The following ANO10 variants were observed in gnomAD, a reference collection of about 807,000 sequenced individuals.
The protein encoded by ANO10 is anoctamin-10.
Under a neutral mutation model 74.7 loss-of-function variants are expected in ANO10, and 77 were observed. The observed-to-expected ratio is 1.03, with a 90% CI of 0.86 to 1.25. The LOEUF is 1.25. ANO10 is among the 50% of genes most tolerant of loss of function. ANO10 has a pLI of 0.00. For missense variants in ANO10, 721 were observed against 778.1 expected (o/e 0.93, Z 0.87); for synonymous variants, 279 against 284.9 (o/e 0.98, Z 0.21).
chr3:43,690,860 G>A (rs1332364922), intron 1 of ANO10: 3 of 972,440 alleles, frequency 3.1e-6, no homozygotes, highest in South Asian at 2.6e-5. Flanking sequence ...GCGCGCCGCC[G>A]GGCCGTGCTA....
Position 43,568,687 on chromosome 3 carries a change from T to C in ANO10, c.1219-2960A>G, listed in dbSNP as rs1257909137. Among the ~76,000 whole-genome samples the C allele has an allele frequency of 4.8e-5, 7 of 145,674 alleles. No individual in the cohort carries two copies. In the East Asian group the frequency reaches 1.2e-3, roughly 25 times the overall value. On this transcript the variant is annotated intron_variant, in intron 7 of 12. Transcript: ENST00000292246. ...AATCTCTGGGGCGCATTCAAAGCAG[T>C]GTGTAGAGGGAAATTTATAGCACTA...
At position 43,580,285 on chromosome 3, in the gene ANO10, C is replaced by A. The variant is rs192787846; in HGVS notation, c.592+68G>T. On this transcript the variant is annotated intron_variant, in intron 5 of 12. Transcript: ENST00000292246. Reference sequence around the variant, plus strand: ...AATATCTGCCCAAGGGAGCTGACTCCACTGCTAGATCGTAACTTTTCATCA... The same window carrying A: ...AATATCTGCCCAAGGGAGCTGACTCAACTGCTAGATCGTAACTTTTCATCA... The A allele has an allele frequency of 1.9e-4, 308 of 1,604,164 alleles. 1 individual carries two copies. The African/African-American group carries it at 3.0e-3, about 16-fold the overall frequency.
At chr3:43,371,197 G>C (rs1232139679) in intron 12 of ANO10, among the ~76,000 whole-genome samples, 3 of 152,076 alleles carry the variant, frequency 2.0e-5, no homozygotes, top group African/African-American at 4.8e-5. Context: ...CCTACAGAAG[G>C]AATCTGTCTG....
chr3:43,658,529 G>A (rs553304027), intron 1 of ANO10, among the ~76,000 whole-genome samples: 2 of 151,018 alleles, frequency 1.3e-5, no homozygotes, highest in South Asian at 4.2e-4. Context: ...GAGTGCAGTG[G>A]TGCGATCTCA....
intron 4 of ANO10, among the ~76,000 whole-genome samples, chr3:43,585,667 T>C (rs1049398836): frequency 6.6e-6 from 1 of 152,148 alleles, no homozygotes; most frequent in Non-Finnish European, 1.5e-5. Flanking sequence ...ACATTATCAA[T>C]GTGGATGAAA....
chr3:43,428,241 G>C (rs146900008), intron 12 of ANO10, among the ~76,000 whole-genome samples: 2,217 of 152,046 alleles, frequency 0.015, 61 homozygotes, highest in African/African-American at 0.051. Flanking sequence ...GTAGAGACAG[G>C]GTTTCACCAT....
chr3:43,649,668 C>T (rs1050306683), intron 1 of ANO10, among the ~76,000 whole-genome samples: 1 of 152,200 alleles, frequency 6.6e-6, no homozygotes, highest in South Asian at 2.1e-4. Context: ...GAAAAAGTAA[C>T]TAATGCCCTC....
At chr3:43,596,592 C>T (rs1259101469) in intron 4 of ANO10, among the ~76,000 whole-genome samples, 1 of 152,172 alleles carries the variant, frequency 6.6e-6, no homozygotes, top group Non-Finnish European at 1.5e-5. Context: ...CCCTTCCTTA[C>T]ACCTTATACA....
At chr3:43,579,038 A>C (rs986177956) in intron 5 of ANO10, among the ~76,000 whole-genome samples, 1 of 152,146 alleles carries the variant, frequency 6.6e-6, no homozygotes, top group Non-Finnish European at 1.5e-5. Flanking sequence ...AGAAAACAGA[A>C]AGAAAATTAT....
chr3:43,446,726 C>T (rs905998858), intron 11 of ANO10, among the ~76,000 whole-genome samples: 1 of 151,852 alleles, frequency 6.6e-6, no homozygotes, highest in East Asian at 1.9e-4. Flanking sequence ...CGAAAACACT[C>T]GAGGGAAGAT....
intron 1 of ANO10, chr3:43,691,165 A>C: frequency 1.0e-6 from 1 of 961,470 alleles, no homozygotes; most frequent in Non-Finnish European, 1.4e-6. Context: ...GGCTTCCTCG[A>C]CCCTCCCCGG....
chr3:43,496,769 T>C (rs2076932999), intron 11 of ANO10, among the ~76,000 whole-genome samples: 1 of 152,122 alleles, frequency 6.6e-6, no homozygotes, highest in East Asian at 1.9e-4. Context: ...CTGAAGCTTA[T>C]CCTTTGTCCC....
At chr3:43,445,545 C>G (rs1373858300) in intron 11 of ANO10, among the ~76,000 whole-genome samples, 2 of 152,136 alleles carry the variant, frequency 1.3e-5, no homozygotes, top group Non-Finnish European at 2.9e-5. Context: ...AACTAGGATT[C>G]CAAACAAACC....
At chr3:43,545,743 T>G (rs2079163481) in intron 11 of ANO10, among the ~76,000 whole-genome samples, 1 of 152,176 alleles carries the variant, frequency 6.6e-6, no homozygotes, top group African/African-American at 2.4e-5. Flanking sequence ...AAATAAAAAT[T>G]GAAATATATT....
At chr3:43,442,701 C>T (rs2093178478) in intron 11 of ANO10, among the ~76,000 whole-genome samples, 1 of 152,114 alleles carries the variant, frequency 6.6e-6, no homozygotes, top group Non-Finnish European at 1.5e-5. Context: ...TCTTAAAAGG[C>T]CACGGAATAA....
At chr3:43,444,613 C>G (rs547727215) in intron 11 of ANO10, among the ~76,000 whole-genome samples, 1 of 152,258 alleles carries the variant, frequency 6.6e-6, no homozygotes, top group East Asian at 1.9e-4. Flanking sequence ...GAGAAATACA[C>G]ACTTGTAAAC....
At chr3:43,478,833 AG>A (rs2076167254) in intron 11 of ANO10, among the ~76,000 whole-genome samples, 1 of 152,246 alleles carries the variant, frequency 6.6e-6, no homozygotes, top group East Asian at 1.9e-4. Flanking sequence ...GTTTTTAAAA[AG>A]TCTGATATAT....
chr3:43,622,856 C>G (rs1384567120), upstream of ANO10, among the ~76,000 whole-genome samples: 1 of 152,118 alleles, frequency 6.6e-6, no homozygotes, highest in Non-Finnish European at 1.5e-5. Flanking sequence ...GTCCACCACA[C>G]TTTTTGACTT....
At chr3:43,400,945 G>A (rs1006549620) in intron 12 of ANO10, among the ~76,000 whole-genome samples, 14 of 152,174 alleles carry the variant, frequency 9.2e-5, no homozygotes, top group Non-Finnish European at 5.9e-5. Flanking sequence ...ATAGTCTGAC[G>A]TGTCAAGAAC....
Sources: allele counts gnomAD v4.1 joint callset (sites outside exome capture counted in the v4.1 genomes callset), GRCh38; gene constraint gnomAD v4.1.1; transcripts MANE v1.5; gene names NCBI Gene and HGNC (gene_info 2026-07-23, HGNC 2026-07-21).